Variants in BRINP1 observed in about 807,000 individuals in gnomAD.
BRINP1 encodes BMP/retinoic acid inducible neural specific 1, also known as BMP/retinoic acid-inducible neural-specific protein 1.
In BRINP1, 17 loss-of-function variants were observed where a neutral mutation model predicts 72.9. The ratio of observed to expected loss-of-function variants is 0.23; its 90% confidence interval spans 0.16 to 0.35. The LOEUF is 0.35. Among genes scored for constraint, BRINP1 ranks in the 10% least tolerant of loss-of-function variants. The probability of loss-of-function intolerance (pLI) is 1.00; values close to 1 mark genes in which losing one functional copy is unlikely to be tolerated. For missense variants in BRINP1, 850 were observed against 1,001.6 expected (o/e 0.85, Z 2.04); for synonymous variants, 418 against 378.5 (o/e 1.10, Z -1.21).
At chr9:119,212,297 G>A (rs1829937258) in intron 6 of BRINP1, among the ~76,000 whole-genome samples, 1 of 152,228 alleles carries the variant, frequency 6.6e-6, no homozygotes, top group African/African-American at 2.4e-5. Flanking sequence ...CTATTCCATA[G>A]AACTCTGCTT....
intron 2 of BRINP1, among the ~76,000 whole-genome samples, chr9:119,279,719 C>T (rs1830689662): frequency 6.6e-6 from 1 of 152,044 alleles, no homozygotes; most frequent in African/African-American, 2.4e-5. Flanking sequence ...ATTCTGTATG[C>T]AAGAAAAAGA....
intron 2 of BRINP1, among the ~76,000 whole-genome samples, chr9:119,295,947 CA>C (rs757196552): frequency 2.0e-5 from 3 of 152,108 alleles, no homozygotes; most frequent in Non-Finnish European, 2.9e-5. Context: ...TAGAAGAAAA[CA>C]GAGATAAACC....
intron 1 of BRINP1, among the ~76,000 whole-genome samples, chr9:119,328,915 G>A (rs1401975726): frequency 6.6e-6 from 1 of 152,102 alleles, no homozygotes; most frequent in African/African-American, 2.4e-5. Flanking sequence ...AGTTTTCCAG[G>A]TCATGAGAGC....
At chr9:119,366,259 T>G (rs1831689945) in intron 1 of BRINP1, among the ~76,000 whole-genome samples, 1 of 152,144 alleles carries the variant, frequency 6.6e-6, no homozygotes, top group South Asian at 2.1e-4. Flanking sequence ...GGGGTGAGAT[T>G]CTAATTAATA....
intron 7 of BRINP1, among the ~76,000 whole-genome samples, chr9:119,181,614 A>G (rs1829558960): frequency 6.6e-6 from 1 of 152,236 alleles, no homozygotes; most frequent in Non-Finnish European, 1.5e-5. Context: ...GAGGGCAAGG[A>G]ATAACTATGC....
At chr9:119,279,397 C>G (rs1830686859) in intron 2 of BRINP1, among the ~76,000 whole-genome samples, 1 of 152,332 alleles carries the variant, frequency 6.6e-6, no homozygotes, top group South Asian at 2.1e-4. Context: ...TCCAGATCAT[C>G]CTGTCCATTC....
At chr9:119,223,090 TCA>T (rs1370974535) in intron 5 of BRINP1, among the ~76,000 whole-genome samples, 1 of 152,048 alleles carries the variant, frequency 6.6e-6, no homozygotes, top group Non-Finnish European at 1.5e-5. Context: ...TCTCTCCTGT[TCA>T]CATTTTGCCT....
At chr9:119,203,980 C>T (rs935490146) in intron 7 of BRINP1, among the ~76,000 whole-genome samples, 2 of 152,106 alleles carry the variant, frequency 1.3e-5, no homozygotes, top group African/African-American at 2.4e-5. Context: ...TAATGCTCTC[C>T]GACTTCCAAG....
Position 119,369,308 on chromosome 9 carries a change from C to T in BRINP1, c.-303G>A. 2.5e-6 allele frequency: 1 copy of T among 398,892 alleles called. No individual in the cohort carries two copies. Among genetic ancestry groups the T allele is most frequent in the Non-Finnish European group, 4.4e-6 (1 of 226,286 alleles). 24.7% of individuals were successfully genotyped at this position (398,892 alleles called of 1,614,324 possible). A position where few individuals can be genotyped will look rare whatever the true frequency, so the allele number is the denominator to read the frequency against. On this transcript the variant is annotated 5_prime_UTR_variant, in exon 1 of 8. Transcript: ENST00000265922. ...CTCCCTCTGCCTCCCGGCTCTCTCG[C>T]TCTCGCTCTCGCTGTTGCTCGCTCG...
intron 5 of BRINP1, among the ~76,000 whole-genome samples, chr9:119,238,406 A>G (rs1830212456): frequency 7.9e-6 from 1 of 126,296 alleles, no homozygotes; most frequent in African/African-American, 2.5e-5. Flanking sequence ...TAAAGCTCAC[A>G]TTTCCTTACT....
intron 7 of BRINP1, 32 bp downstream of exon 7, chr9:119,208,687 C>T (rs377471815): frequency 4.4e-6 from 7 of 1,590,248 alleles, no homozygotes; most frequent in Non-Finnish European, 4.3e-6. Flanking sequence ...CAGGTAGGTG[C>T]CTGCAGAGGT....
chr9:119,328,075 A>C (rs947413442), intron 1 of BRINP1, among the ~76,000 whole-genome samples: 3 of 152,182 alleles, frequency 2.0e-5, no homozygotes, highest in African/African-American at 7.2e-5. Flanking sequence ...AGTCAGCATG[A>C]AGAGGAAGAG....
At chr9:119,182,528 C>T (rs528328547) in intron 7 of BRINP1, among the ~76,000 whole-genome samples, 286 of 152,238 alleles carry the variant, frequency 1.9e-3, no homozygotes, top group Non-Finnish European at 2.4e-3. Flanking sequence ...GGTGCCTTTG[C>T]GAGCTAATTA....
At chr9:119,346,184 T>C (rs1831449764) in intron 1 of BRINP1, among the ~76,000 whole-genome samples, 1 of 152,198 alleles carries the variant, frequency 6.6e-6, no homozygotes, top group African/African-American at 2.4e-5. Flanking sequence ...TTTACATACA[T>C]ATTTAATGAT....
At chr9:119,347,927 A>G (rs1285988033) in intron 1 of BRINP1, among the ~76,000 whole-genome samples, 1 of 152,182 alleles carries the variant, frequency 6.6e-6, no homozygotes, top group Non-Finnish European at 1.5e-5. Context: ...GCCCTATTAG[A>G]AATGTACATT....
chr9:119,271,856 T>C (rs1259953109), intron 2 of BRINP1, among the ~76,000 whole-genome samples: 1 of 151,908 alleles, frequency 6.6e-6, no homozygotes, highest in Non-Finnish European at 1.5e-5. Context: ...ATACTGAAAC[T>C]ACCATTTTTT....
At chr9:119,338,540 G>A (rs756762760) in intron 1 of BRINP1, among the ~76,000 whole-genome samples, 5 of 150,188 alleles carry the variant, frequency 3.3e-5, no homozygotes, top group Non-Finnish European at 7.4e-5. Context: ...TCCATAAGTG[G>A]AGAAGACTGA....
chr9:119,268,733 G>A (rs1830578953), intron 2 of BRINP1, among the ~76,000 whole-genome samples: 1 of 152,140 alleles, frequency 6.6e-6, no homozygotes, highest in Admixed American at 6.5e-5. Flanking sequence ...AGTAGGACAA[G>A]GACATTGTCT....
At chr9:119,322,448 T>C (rs1168053743) in intron 1 of BRINP1, among the ~76,000 whole-genome samples, 3 of 152,166 alleles carry the variant, frequency 2.0e-5, no homozygotes, top group African/African-American at 7.2e-5. Context: ...TCTCTAATTG[T>C]TGCTATTGTA....
Sources: gnomAD v4.1 joint callset for allele counts (sites outside exome capture counted in the v4.1 genomes callset) on GRCh38, gnomAD v4.1.1 for gene constraint, MANE v1.5 for transcripts, NCBI Gene and HGNC (gene_info 2026-07-23, HGNC 2026-07-21) for gene names.